Variants in CORO2B observed in about 807,000 individuals in gnomAD.
CORO2B encodes the protein coronin-2B.
CORO2B carries 26 observed loss-of-function variants against 58.8 expected under a neutral mutation model. The ratio of observed to expected loss-of-function variants is 0.44; its 90% CI spans 0.32 to 0.61. The LOEUF (loss-of-function observed/expected upper bound fraction) is 0.61. Among genes scored for constraint, CORO2B ranks in the 20% least tolerant of loss-of-function variants. The probability of loss-of-function intolerance (pLI) is 0.04; values close to 1 mark genes in which losing one functional copy is unlikely to be tolerated. For synonymous variants in CORO2B, 242 were observed against 253.8 expected (o/e 0.95, Z 0.44); for missense variants, 460 against 645.1 (o/e 0.71, Z 3.11).
upstream of CORO2B, among the ~76,000 whole-genome samples, chr15:68,578,700 C>T (rs1054765610): frequency 1.3e-5 from 2 of 152,104 alleles, no homozygotes; most frequent in Admixed American, 1.3e-4. This position sits in a 1 kb window ranked among gnomAD's most constrained non-coding sequence, Gnocchi z 4.2. Flanking sequence ...GCGGGACACC[C>T]GAGAGCCCGG....
chr15:68,672,159 G>GGTTGTGTGTGTGTGTGT (rs1555415404), intron 2 of CORO2B, among the ~76,000 whole-genome samples: 1 of 146,178 alleles, frequency 6.8e-6, no homozygotes, highest in African/African-American at 2.5e-5. Flanking sequence ...GTAATCGGGA[G>GGTTGTGTGTGTGTGTGT]GTGTGTGTGT....
At chr15:68,626,086 A>G (rs1269074863) in intron 1 of CORO2B, among the ~76,000 whole-genome samples, 2 of 152,192 alleles carry the variant, frequency 1.3e-5, no homozygotes, top group Admixed American at 6.5e-5. Flanking sequence ...TGTTTGATTC[A>G]TATGTAAATC....
intron 1 of CORO2B, among the ~76,000 whole-genome samples, chr15:68,603,541 T>C (rs1454745574): frequency 1.3e-5 from 2 of 152,080 alleles, no homozygotes; most frequent in Admixed American, 6.6e-5. Context: ...AATTCATATG[T>C]TGAAGCCCTA....
At chr15:68,635,393 G>A (rs1023089396) in intron 1 of CORO2B, among the ~76,000 whole-genome samples, 1 of 152,180 alleles carries the variant, frequency 6.6e-6, no homozygotes, top group Non-Finnish European at 1.5e-5. Flanking sequence ...GAGAAACACA[G>A]AACTCAGAAG....
chr15:68,531,055 A>G, the CORO2B span, among the ~76,000 whole-genome samples: 1 of 152,182 alleles, frequency 6.6e-6, no homozygotes, highest in Non-Finnish European at 1.5e-5. Flanking sequence ...TTAGCTCATC[A>G]TAGTCCAACT....
At chr15:68,696,914 C>T (rs147678652) in intron 3 of CORO2B, among the ~76,000 whole-genome samples, 15 of 152,292 alleles carry the variant, frequency 9.8e-5, no homozygotes, top group African/African-American at 1.9e-4. Flanking sequence ...GCCTGGGTAC[C>T]GGTCAGATTT....
intron 1 of CORO2B, among the ~76,000 whole-genome samples, chr15:68,583,582 C>A (rs1043698146): frequency 6.6e-6 from 1 of 152,170 alleles, no homozygotes; most frequent in African/African-American, 2.4e-5. Flanking sequence ...ATGGAAGAAG[C>A]ATTGCGGGAG....
chr15:68,595,167 G>C (rs1255602733), intron 1 of CORO2B, among the ~76,000 whole-genome samples: 1 of 152,240 alleles, frequency 6.6e-6, no homozygotes, highest in African/African-American at 2.4e-5. Flanking sequence ...CAGCCAAGTG[G>C]CAGCCTCAGC....
intron 2 of CORO2B, among the ~76,000 whole-genome samples, chr15:68,663,830 A>C (rs1902095412): frequency 6.6e-6 from 1 of 152,266 alleles, no homozygotes; most frequent in Non-Finnish European, 1.5e-5. Flanking sequence ...AGTTTCAATT[A>C]GCATTCTTAT....
chr15:68,724,347 C>T (rs1314969864), intron 11 of CORO2B, among the ~76,000 whole-genome samples: 1 of 152,230 alleles, frequency 6.6e-6, no homozygotes, highest in African/African-American at 2.4e-5. Flanking sequence ...CCTTAACTCC[C>T]ATTTCCAGTT....
intron 1 of CORO2B, among the ~76,000 whole-genome samples, chr15:68,603,412 A>G (rs1194157435): frequency 6.6e-6 from 1 of 152,078 alleles, no homozygotes; most frequent in Non-Finnish European, 1.5e-5. Context: ...GAGACAGAGG[A>G]GCCTTCGTGG....
chr15:68,640,093 C>G (rs777430274), intron 1 of CORO2B, among the ~76,000 whole-genome samples: 41 of 152,218 alleles, frequency 2.7e-4, no homozygotes, highest in Non-Finnish European at 5.1e-4. Flanking sequence ...ACCCATGCAT[C>G]TGACCTCACA....
chr15:68,600,598 T>C (rs1443740981), intron 1 of CORO2B, among the ~76,000 whole-genome samples: 1 of 152,204 alleles, frequency 6.6e-6, no homozygotes, highest in Non-Finnish European at 1.5e-5. Flanking sequence ...TTTCTGTGGA[T>C]GTGGCTTTTG....
chr15:68,720,379 G>C (rs1893133202), intron 11 of CORO2B, among the ~76,000 whole-genome samples: 1 of 152,176 alleles, frequency 6.6e-6, no homozygotes, highest in South Asian at 2.1e-4. Flanking sequence ...ACCTGTATTA[G>C]CTACCTACTG....
At chr15:68,549,199 A>G in the CORO2B span, among the ~76,000 whole-genome samples, 5 of 152,214 alleles carry the variant, frequency 3.3e-5, no homozygotes, top group Non-Finnish European at 7.3e-5. Context: ...ATGTATTGGT[A>G]TATTACCTCT....
At chr15:68,562,310 C>A in the CORO2B span, among the ~76,000 whole-genome samples, 1 of 152,182 alleles carries the variant, frequency 6.6e-6, no homozygotes, top group Non-Finnish European at 1.5e-5. Flanking sequence ...ACCTTCCAGG[C>A]AAGATTGTAC....
chr15:68,552,547 G>A, the CORO2B span, among the ~76,000 whole-genome samples: 1 of 152,018 alleles, frequency 6.6e-6, no homozygotes, highest in East Asian at 1.9e-4. Flanking sequence ...CCATCAGAGG[G>A]AGTCTGTGTG....
At chr15:68,641,433 A>C in intron 1 of CORO2B, 1 of 709,886 alleles carries the variant, frequency 1.4e-6, no homozygotes, top group Non-Finnish European at 1.7e-6. Flanking sequence ...GGAGCTGGGG[A>C]TTTGGGGGAG....
At chr15:68,707,789 G>A (rs1892817111) in intron 3 of CORO2B, among the ~76,000 whole-genome samples, 1 of 152,192 alleles carries the variant, frequency 6.6e-6, no homozygotes, top group Non-Finnish European at 1.5e-5. Context: ...GGAATGTGGT[G>A]ACTACTGAGT....
Sources: gnomAD v4.1 joint callset for allele counts (sites outside exome capture counted in the v4.1 genomes callset) on GRCh38, gnomAD v4.1.1 for gene constraint, Gnocchi (gnomAD v3.1) non-coding constraint, MANE v1.5 for transcripts, NCBI Gene and HGNC (gene_info 2026-07-23, HGNC 2026-07-21) for gene names.